RAPGEF2: variants seen among roughly 807,000 people sequenced by gnomAD.
RAPGEF2 encodes the protein Rap guanine nucleotide exchange factor 2.
Under a neutral mutation model 186.7 loss-of-function variants are expected in RAPGEF2, and 54 were observed. The observed-to-expected ratio is 0.29, with a 90% CI of 0.23 to 0.36. RAPGEF2 has a LOEUF of 0.36. RAPGEF2 is among the 10% of genes least tolerant of loss of function. The pLI is 1.00. For missense variants in RAPGEF2, 1,532 were observed against 2,045.0 expected (o/e 0.75, Z 4.84); for synonymous variants, 712 against 705.9 (o/e 1.01, Z -0.14).
At chr4:159,287,478 G>A (rs4396948) in intron 7 of RAPGEF2, among the ~76,000 whole-genome samples, 95,192 of 151,864 alleles carry the variant, frequency 0.63, 31,283 homozygotes, top group African/African-American at 0.8. Flanking sequence ...GGCCTTCAGT[G>A]TAATTCAGTG....
At position 159,358,164 on chromosome 4, in the gene RAPGEF2, G is replaced by A; in HGVS notation, c.*25G>A. On this transcript the variant is annotated 3_prime_UTR_variant, in exon 30 of 30. Transcript: ENST00000691494. ...AGGCACAGACTTTTCTGGAAGCAGA[G>A]CGAGCCACCTGAAAGGAGAGCACAA... 6.2e-7 allele frequency: 1 copy of A among 1,608,472 alleles called. No homozygotes were observed. Among genetic ancestry groups the A allele is most frequent in the Non-Finnish European group, 8.5e-7 (1 of 1,176,706 alleles).
intron 25 of RAPGEF2, among the ~76,000 whole-genome samples, chr4:159,347,763 G>C (rs1362803099): frequency 5.9e-5 from 9 of 152,220 alleles, no homozygotes; most frequent in Non-Finnish European, 2.9e-5. Context: ...CTCCAGCCTG[G>C]GCGAAAGAGC....
intron 16 of RAPGEF2, 66 bp downstream of exon 16, chr4:159,332,100 T>C: frequency 2.9e-6 from 3 of 1,017,330 alleles, no homozygotes; most frequent in Non-Finnish European, 4.4e-6. Flanking sequence ...TCAAACATCA[T>C]AAGAAAGCAT....
At chr4:159,295,720 AGTGTGTGTGTGTGTGTGTGTGTGTGT>A (rs71589223) in intron 7 of RAPGEF2, among the ~76,000 whole-genome samples, 1 of 134,630 alleles carries the variant, frequency 7.4e-6, no homozygotes, top group African/African-American at 2.8e-5. Context: ...AGAGTGTGTG[AGTGTGTGTGTGTGTGTGTGTGTGTGT>A]GTGTGTGTGC....
At chr4:159,236,606 G>T (rs987526533) in intron 4 of RAPGEF2, among the ~76,000 whole-genome samples, 1 of 151,388 alleles carries the variant, frequency 6.6e-6, no homozygotes, top group Admixed American at 6.6e-5. Context: ...ATTTAAAAAC[G>T]CATAAACATT....
At chr4:159,145,501 T>C (rs1296584554) in intron 1 of RAPGEF2, among the ~76,000 whole-genome samples, 1 of 151,842 alleles carries the variant, frequency 6.6e-6, no homozygotes, top group African/African-American at 2.4e-5. Context: ...GCCAAAAACA[T>C]TGCCAAAAAC....
At chr4:159,132,532 C>T (rs1201367304) in intron 1 of RAPGEF2, among the ~76,000 whole-genome samples, 1 of 152,168 alleles carries the variant, frequency 6.6e-6, no homozygotes, top group African/African-American at 2.4e-5. Flanking sequence ...GCACCGTACT[C>T]CAGGACAGAA....
intron 7 of RAPGEF2, among the ~76,000 whole-genome samples, chr4:159,284,322 G>A (rs879371082): frequency 2.0e-5 from 3 of 152,210 alleles, no homozygotes; most frequent in East Asian, 1.9e-4. Context: ...TGATTTGGAG[G>A]GAGAAGCTTA....
chr4:159,157,161 A>G (rs1299525454), intron 1 of RAPGEF2, among the ~76,000 whole-genome samples: 2 of 152,202 alleles, frequency 1.3e-5, no homozygotes, highest in South Asian at 2.1e-4. Context: ...CCTTCTTCAC[A>G]TAACACTTCA....
chr4:159,196,815 A>G (rs1054371593), intron 3 of RAPGEF2, among the ~76,000 whole-genome samples: 1 of 152,248 alleles, frequency 6.6e-6, no homozygotes, highest in African/African-American at 2.4e-5. Context: ...TGATGGTGTT[A>G]TTGTTTTAAC....
At chr4:159,304,568 G>C in intron 8 of RAPGEF2, 95 bp downstream of exon 8, 1 of 1,154,462 alleles carries the variant, frequency 8.7e-7, no homozygotes, top group East Asian at 2.4e-5. Flanking sequence ...ATAAATATAT[G>C]TGTATATTAC....
intron 2 of RAPGEF2, among the ~76,000 whole-genome samples, chr4:159,186,961 A>G (rs572730995): frequency 1.3e-5 from 2 of 152,250 alleles, no homozygotes; most frequent in South Asian, 4.1e-4. Context: ...TCTTTGAGCT[A>G]TTTGAAAATA....
intron 17 of RAPGEF2, among the ~76,000 whole-genome samples, chr4:159,334,468 C>G (rs1311246323): frequency 6.6e-6 from 1 of 151,974 alleles, no homozygotes; most frequent in African/African-American, 2.4e-5. Context: ...AGGCTGGTCT[C>G]GATCTCCTGT....
intron 4 of RAPGEF2, among the ~76,000 whole-genome samples, chr4:159,213,826 CCACTT>C (rs10540082): frequency 0.33 from 49,832 of 151,618 alleles, 8,377 homozygotes; most frequent in Non-Finnish European, 0.37. Flanking sequence ...TCACTCTTCT[CCACTT>C]CAAGCAGTTT....
At chr4:159,160,407 C>T (rs1744582781) in intron 1 of RAPGEF2, among the ~76,000 whole-genome samples, 1 of 152,212 alleles carries the variant, frequency 6.6e-6, no homozygotes, top group African/African-American at 2.4e-5. Flanking sequence ...TAAGGTCATA[C>T]ATTACACAGT....
In RAPGEF2 at chr4:159,355,877, A is replaced by AGCCG; in HGVS notation, c.4679_4680insGGCC (p.Pro1561AlafsTer15). The AGCCG allele has an allele frequency of 9.2e-5, 142 of 1,545,966 alleles. No individual in the cohort carries two copies. Among genetic ancestry groups the AGCCG allele is most frequent in the East Asian group, 1.2e-4 (5 of 40,712 alleles). ...GCACGAAAGGAGGGCAGGTATCGAGAGCCCCCGCCCACCCCTCCCGGCTAC... is the reference window on the plus strand; with the variant it reads ...GCACGAAAGGAGGGCAGGTATCGAGAGCCGGCCCCCGCCCACCCCTCCCGGCTAC... On this transcript the variant is annotated frameshift_variant, in exon 29 of 30. Transcript: ENST00000691494. LOFTEE classifies it high-confidence loss of function.
rs1553991869 is a variant in RAPGEF2, at chr4:159,104,553, A to AGAGAGT, written c.69+323_69+324insAGAGTG. ...GAGAGACAGAGAGAGAGAGAGAGAG[A>AGAGAGT]GTGTGTGTGTGTGTGTGTATGTGTG... On this transcript the variant is annotated intron_variant, in intron 1 of 29. Transcript: ENST00000691494. 2.7e-3 allele frequency among the ~76,000 whole-genome samples: 372 copies of AGAGAGT among 136,026 alleles called. 6 individuals carry two copies. The highest frequency in any genetic ancestry group is 0.02 in the Admixed American group (269 of 13,662). 89.2% of individuals were successfully genotyped at this position (136,026 alleles called of 152,430 possible). A position where few individuals can be genotyped will look rare whatever the true frequency, so the allele number is the denominator to read the frequency against.
At chr4:159,307,056 A>G (rs1319177826) in intron 8 of RAPGEF2, among the ~76,000 whole-genome samples, 1 of 152,210 alleles carries the variant, frequency 6.6e-6, no homozygotes, top group Non-Finnish European at 1.5e-5. Context: ...TTTGGCCTTC[A>G]AATACATTAT....
intron 25 of RAPGEF2, 83 bp downstream of exon 25, chr4:159,347,081 A>G (rs1399098215): frequency 3.2e-6 from 4 of 1,265,646 alleles, no homozygotes; most frequent in Non-Finnish European, 4.4e-6. Flanking sequence ...TGTCTTGGAT[A>G]ACTTTGTCTA....
Sources: gnomAD v4.1 joint callset for allele counts (sites outside exome capture counted in the v4.1 genomes callset) on GRCh38, gnomAD v4.1.1 for gene constraint, MANE v1.5 for transcripts, NCBI Gene and HGNC (gene_info 2026-07-23, HGNC 2026-07-21) for gene names.